The following CDK5RAP2 variants were observed in gnomAD, a reference collection of about 807,000 sequenced individuals.
CDK5RAP2 encodes the protein CDK5 regulatory subunit-associated protein 2.
CDK5RAP2 carries 147 observed loss-of-function variants against 232.9 expected under a neutral mutation model. The ratio of observed to expected loss-of-function variants is 0.63; its 90% CI spans 0.55 to 0.72. The LOEUF (loss-of-function observed/expected upper bound fraction) is 0.72. Ranked by LOEUF, CDK5RAP2 falls within the 30% of genes least tolerant of loss-of-function variation. CDK5RAP2 has a pLI of 0.00. For synonymous variants in CDK5RAP2, 833 were observed against 833.7 expected, an observed-to-expected ratio of 1.00 and a Z score of 0.01; for missense variants, 2,195 against 2,231.5, an observed-to-expected ratio of 0.98 and a Z score of 0.33.
At position 120,536,906 on chromosome 9, in the gene CDK5RAP2, C is replaced by T. The variant is rs568855911; in HGVS notation, c.508-380G>A. Among the ~76,000 whole-genome samples, 8 of 152,036 alleles carry T rather than the reference C, an allele frequency of 5.3e-5. No homozygotes were observed. The East Asian group carries it at 1.5e-3, about 29-fold the overall frequency. On this transcript the variant is annotated intron_variant, in intron 6 of 37. Transcript: ENST00000349780. ...AAATTCATCCTACACACCCCCACCG[C>T]CCTATTTTTTTAAGATAATGACTGA... is the stretch of plus-strand genomic sequence containing the variant.
Position 120,394,599 on chromosome 9 carries a change from T to G in CDK5RAP2, c.5491A>C (p.Lys1831Gln). ...MKAEVTKLHK[K>Q]LFEQEKKLQN... ...AACTTCTTTTCTTGTTCAAACAATT[T>G]TTTATGTAGTTTGGTGACCTCTGCC... Residue 1831 changes from lysine to glutamine, a missense_variant, in exon 36 of 38, where the codon AAA (lysine) becomes CAA (glutamine). Lys to Gln is a moderately conservative substitution (Grantham distance 53). Coordinates refer to ENST00000349780, the MANE Select transcript of CDK5RAP2 (RefSeq NM_018249.6). The G allele has an allele frequency of 1.2e-6, 2 of 1,614,156 alleles. No individual in the cohort carries two copies. Among genetic ancestry groups the G allele is most frequent in the Non-Finnish European group, 1.7e-6 (2 of 1,180,008 alleles).
At chr9:120,465,907 G>A (rs2037353391) in intron 18 of CDK5RAP2, among the ~76,000 whole-genome samples, 2 of 152,170 alleles carry the variant, frequency 1.3e-5, no homozygotes, top group Non-Finnish European at 2.9e-5. Flanking sequence ...CTGCATTCCA[G>A]GAGAGATGTG....
At chr9:120,452,129 G>C (rs898182600) in intron 21 of CDK5RAP2, among the ~76,000 whole-genome samples, 6 of 151,846 alleles carry the variant, frequency 4.0e-5, no homozygotes, top group Non-Finnish European at 7.4e-5. Flanking sequence ...AAGACACCTA[G>C]TTTTCCTGAT....
intron 10 of CDK5RAP2, 41 bp from the exon 11 acceptor site, chr9:120,525,119 G>A (rs755211986): frequency 6.9e-7 from 1 of 1,459,612 alleles, no homozygotes. Context: ...ATGTAACTGG[G>A]CTCTCCTCTC....
chr9:120,514,504 T>A (rs2040236751), intron 12 of CDK5RAP2, among the ~76,000 whole-genome samples: 1 of 152,192 alleles, frequency 6.6e-6, no homozygotes, highest in South Asian at 2.1e-4. Context: ...TTCTTCTTCC[T>A]CTTCTGCAGT....
chr9:120,434,021 A>G (rs938288240), intron 25 of CDK5RAP2, among the ~76,000 whole-genome samples: 2 of 152,264 alleles, frequency 1.3e-5, no homozygotes, highest in South Asian at 2.1e-4. Context: ...GGGAAGGCAG[A>G]ATAAAAAACA....
chr9:120,554,712 C>T (rs890737959), intron 3 of CDK5RAP2, among the ~76,000 whole-genome samples: 3 of 152,148 alleles, frequency 2.0e-5, no homozygotes, highest in Non-Finnish European at 4.4e-5. Flanking sequence ...TGGCACACTG[C>T]AACCTCCACC....
rs932975 is a variant in CDK5RAP2 at position 120,579,981 on chromosome 9, C to G, written c.-3G>C. ...TCTTCCAACACCAAGTCCATCATGG[C>G]TACAGAGGTGGCGACAGCGTTGGTG... On this transcript the variant is annotated 5_prime_UTR_variant, in exon 1 of 38. Coordinates refer to ENST00000349780, the MANE Select transcript of CDK5RAP2 (RefSeq NM_018249.6). 5.0e-6 allele frequency: 8 copies of G among 1,607,344 alleles called. No homozygotes were observed. The highest frequency in any genetic ancestry group is 6.8e-6 in the Non-Finnish European group (8 of 1,174,036).
At chr9:120,395,294 ATGATTTCAAATTGCG>A (rs1354324593) in intron 35 of CDK5RAP2, among the ~76,000 whole-genome samples, 1 of 152,254 alleles carries the variant, frequency 6.6e-6, no homozygotes, top group African/African-American at 2.4e-5. Context: ...TCCATGAGCT[ATGATTTCAAATTGCG>A]TGATCTTTTT....
chr9:120,528,651 T>C (rs2041010785), intron 9 of CDK5RAP2, 93 bp downstream of exon 9: 3 of 808,060 alleles, frequency 3.7e-6, no homozygotes, highest in East Asian at 2.5e-5. Flanking sequence ...TGACAGCTAC[T>C]GTGACACAGA....
At chr9:120,416,833 A>G (rs567937983) in intron 27 of CDK5RAP2, among the ~76,000 whole-genome samples, 3 of 152,276 alleles carry the variant, frequency 2.0e-5, no homozygotes, top group African/African-American at 7.2e-5. Context: ...GTTATGACCC[A>G]GTTTTAATTC....
Position 120,573,688 on chromosome 9 carries a change from A to C in CDK5RAP2, c.60-1647T>G, listed in dbSNP as rs573870275. On this transcript the variant is annotated intron_variant, in intron 1 of 37. Coordinates refer to ENST00000349780, the MANE Select transcript of CDK5RAP2 (RefSeq NM_018249.6). ...GTCACCTCAAGTCCATTTTGGAAAT[A>C]GGTGGGCTACAGATATATAACAAGA... Among the ~76,000 whole-genome samples the C allele has an allele frequency of 2.0e-5, 3 of 152,384 alleles. No individual in the cohort carries two copies. The South Asian group carries it at 6.2e-4, about 32-fold the overall frequency.
At chr9:120,542,048 G>A (rs2041654013) in intron 5 of CDK5RAP2, among the ~76,000 whole-genome samples, 1 of 152,174 alleles carries the variant, frequency 6.6e-6, no homozygotes, top group Non-Finnish European at 1.5e-5. Flanking sequence ...TCAGGAAAAA[G>A]CAGGGGATTT....
rs374805157 is a variant in CDK5RAP2, at chr9:120,467,878, C to T, written c.2088G>A (p.Ala696=). The T allele has an allele frequency of 5.5e-5, 88 of 1,614,112 alleles. No individual in the cohort carries two copies. The highest frequency in any genetic ancestry group is 2.4e-4 in the African/African-American group (18 of 75,030). The change falls in exon 18 of 38, where the codon GCG becomes GCA. Residue 696 remains alanine (A), a synonymous_variant. Transcript: ENST00000349780. ...FQGNGFPDRL[A]STEQTELLAS... is the part of the protein sequence containing the mutation. ...TTCTTACCTCTGTTTGTTCTGTAGA[C>T]GCAAGTCTATCTGGAAACCCATTTC...
intron 2 of CDK5RAP2, among the ~76,000 whole-genome samples, chr9:120,571,379 C>T (rs560468595): frequency 3.1e-4 from 47 of 152,238 alleles, no homozygotes; most frequent in East Asian, 7.7e-4. Context: ...CTAGCACTAC[C>T]CACAGAGACG....
chr9:120,530,773 T>C (rs10760100), intron 7 of CDK5RAP2, among the ~76,000 whole-genome samples: 146,672 of 149,786 alleles, frequency 0.98, 71,866 homozygotes, highest in South Asian at 1. Flanking sequence ...AACCAAACAC[T>C]GCGTGTTCTC....
intron 5 of CDK5RAP2, among the ~76,000 whole-genome samples, chr9:120,540,501 G>A (rs1271240271): frequency 2.0e-5 from 3 of 152,146 alleles, no homozygotes; most frequent in South Asian, 2.1e-4. Context: ...AACATGAGTC[G>A]CCTGAAAATA....
At chr9:120,439,010 T>A (rs1326874113) in intron 24 of CDK5RAP2, among the ~76,000 whole-genome samples, 9 of 152,176 alleles carry the variant, frequency 5.9e-5, no homozygotes, top group Admixed American at 5.9e-4. Flanking sequence ...AGACATCAGT[T>A]TTAGTTTCAC....
Position 120,487,417 on chromosome 9 carries a change from C to A in CDK5RAP2, c.1503G>T (p.Leu501Phe). The change falls in exon 14 of 38, where the codon TTG (leucine) becomes TTT (phenylalanine). Residue 501 changes from leucine (L) to phenylalanine (F), a missense_variant. Leu to Phe is a conservative substitution (Grantham distance 22). Coordinates refer to ENST00000349780, the MANE Select transcript of CDK5RAP2 (RefSeq NM_018249.6). Reference sequence around the variant, plus strand: ...AATAGCAGTTCTGCTGTATTACTTCCAAATCTTTTTCATTGAATTTCTAAT... The same window carrying A: ...AATAGCAGTTCTGCTGTATTACTTCAAAATCTTTTTCATTGAATTTCTAAT... ...VLLQKFNEKD[L>F]EVIQQNCYLM... The A allele has an allele frequency of 6.2e-7, 1 of 1,607,866 alleles. No homozygotes were observed. The highest frequency in any genetic ancestry group is 8.5e-7 in the Non-Finnish European group (1 of 1,177,746).
Sources: gnomAD v4.1 joint callset for allele counts (sites outside exome capture counted in the v4.1 genomes callset) on GRCh38, gnomAD v4.1.1 for gene constraint, MANE v1.5 for transcripts, NCBI Gene and HGNC (gene_info 2026-07-23, HGNC 2026-07-21) for gene names.